Variants in SNX9 observed in about 807,000 individuals in gnomAD.
SNX9 encodes sorting nexin 9.
In SNX9, 44 loss-of-function variants were observed where a neutral mutation model predicts 89.4. That is an observed-to-expected ratio of 0.49 (90% CI 0.39 to 0.63). The LOEUF (loss-of-function observed/expected upper bound fraction) is 0.63. Ranked by LOEUF, SNX9 falls within the 30% of genes least tolerant of loss-of-function variation. The probability of loss-of-function intolerance (pLI) is 0.00; values close to 1 mark genes in which losing one functional copy is unlikely to be tolerated. For synonymous variants in SNX9, 236 were observed against 247.8 expected (o/e 0.95, Z 0.45); for missense variants, 578 against 736.1 (o/e 0.79, Z 2.49).
chr6:157,826,646 C>A (rs994494336), intron 1 of SNX9, among the ~76,000 whole-genome samples: 3 of 131,886 alleles, frequency 2.3e-5, no homozygotes, highest in African/African-American at 8.3e-5. Flanking sequence ...TCTTGTTTTA[C>A]AAATATTAAT....
At chr6:157,923,306 A>G (rs1206613417) in intron 10 of SNX9, among the ~76,000 whole-genome samples, 2 of 152,194 alleles carry the variant, frequency 1.3e-5, no homozygotes, top group African/African-American at 4.8e-5. Context: ...GCTCGTGTAA[A>G]TAAATGGTAG....
intron 9 of SNX9, among the ~76,000 whole-genome samples, chr6:157,920,923 A>C (rs1583238213): frequency 6.6e-6 from 1 of 152,342 alleles, no homozygotes; most frequent in Non-Finnish European, 1.5e-5. Context: ...TTATTGCATT[A>C]GTGGAAAAAT....
At position 157,843,872 on chromosome 6, in the gene SNX9, C is replaced by CTTT. The variant is rs1006138414; in HGVS notation, c.12+20444_12+20446dup. ...TTTTAAAAAATTATTTCCCATTTGTCTTTTTTTTTTTTTTTTTTTTGAGAT... is the reference window on the plus strand; with the variant it reads ...TTTTAAAAAATTATTTCCCATTTGTCTTTTTTTTTTTTTTTTTTTTTTTGAGAT... On this transcript the variant is annotated intron_variant, in intron 1 of 17. Coordinates refer to ENST00000392185, the MANE Select transcript of SNX9 (RefSeq NM_016224.5). Among the ~76,000 whole-genome samples, 1,070 of 120,654 alleles carry CTTT rather than the reference C, an allele frequency of 8.9e-3. 55 individuals are homozygous for CTTT. The highest frequency in any genetic ancestry group is 0.031 in the African/African-American group (952 of 30,538). 79.2% of individuals were successfully genotyped at this position (120,654 alleles called of 152,430 possible). A position where few individuals can be genotyped will look rare whatever the true frequency, so the allele number is the denominator to read the frequency against.
chr6:157,939,968 CA>C lies in SNX9; in HGVS notation c.1649-914del, dbSNP rs551470645. On this transcript the variant is annotated intron_variant, in intron 16 of 17. Transcript: ENST00000392185. Reference sequence around the variant, plus strand: ...ACTCCTCTAGAGTTGGGGGCAGGGGCAGGGGGGACAGAGAAAGAAGGAATCC... The same window carrying C: ...ACTCCTCTAGAGTTGGGGGCAGGGGCGGGGGGACAGAGAAAGAAGGAATCC... 1.7e-3 allele frequency among the ~76,000 whole-genome samples: 257 copies of C among 151,352 alleles called. 1 individual carries two copies. Among genetic ancestry groups the C allele is most frequent in the African/African-American group, 6.0e-3 (249 of 41,168 alleles).
chr6:157,832,274 A>G (rs1408025246), intron 1 of SNX9, among the ~76,000 whole-genome samples: 1 of 152,212 alleles, frequency 6.6e-6, no homozygotes, highest in Non-Finnish European at 1.5e-5. Context: ...AAGAGGGGGA[A>G]ATGCAGCTTC....
chr6:157,889,361 G>C (rs1347090637), intron 4 of SNX9, among the ~76,000 whole-genome samples: 1 of 147,502 alleles, frequency 6.8e-6, no homozygotes, highest in Non-Finnish European at 1.5e-5. Flanking sequence ...AACCTGGGAG[G>C]CAGAGGTTGC....
Position 157,840,406 on chromosome 6 carries a change from A to ACTTTCTTT in SNX9, c.12+16969_12+16976dup, listed in dbSNP as rs369386039. On this transcript the variant is annotated intron_variant, in intron 1 of 17. Transcript: ENST00000392185. ...AAAATGACTGACTTTTACAAAAAAT[A>ACTTTCTTT]CTTTCTTTCTTTCTTTTCTTTCTTT... 1.7e-4 allele frequency among the ~76,000 whole-genome samples: 22 copies of ACTTTCTTT among 128,924 alleles called. 1 individual carries two copies. Among genetic ancestry groups the ACTTTCTTT allele is most frequent in the Non-Finnish European group, 3.2e-4 (18 of 56,986 alleles). 84.6% of individuals were successfully genotyped at this position (128,924 alleles called of 152,430 possible).
intron 14 of SNX9, among the ~76,000 whole-genome samples, chr6:157,936,252 C>G (rs1478462856): frequency 6.6e-6 from 1 of 152,206 alleles, no homozygotes; most frequent in East Asian, 1.9e-4. Context: ...ATAGGCCAGG[C>G]ACAGTGGCTC....
At chr6:157,848,603 T>G (rs751270991) in intron 1 of SNX9, among the ~76,000 whole-genome samples, 3 of 152,168 alleles carry the variant, frequency 2.0e-5, no homozygotes, top group Non-Finnish European at 4.4e-5. Context: ...CTAGTAAGAT[T>G]GAATTTATTT....
chr6:157,931,210 A>G (rs1783804848), intron 12 of SNX9, among the ~76,000 whole-genome samples: 2 of 152,248 alleles, frequency 1.3e-5, no homozygotes, highest in African/African-American at 2.4e-5. Context: ...ACCACATGCC[A>G]GGTGCCTTTA....
intron 1 of SNX9, among the ~76,000 whole-genome samples, chr6:157,851,590 C>T (rs997402863): frequency 1.3e-5 from 2 of 151,980 alleles, no homozygotes; most frequent in Admixed American, 6.6e-5. Context: ...ATCATATATT[C>T]GTTGTTTTTT....
At chr6:157,876,146 C>T (rs1174774134) in intron 4 of SNX9, among the ~76,000 whole-genome samples, 1 of 151,722 alleles carries the variant, frequency 6.6e-6, no homozygotes, top group Non-Finnish European at 1.5e-5. Flanking sequence ...CAAGTATTTG[C>T]TTATAAAATA....
chr6:157,915,868 G>T (rs1783458194), intron 9 of SNX9, among the ~76,000 whole-genome samples: 1 of 145,864 alleles, frequency 6.9e-6, no homozygotes, highest in African/African-American at 2.5e-5. Context: ...TTGGAGAGTT[G>T]TATTGTAAAT....
intron 4 of SNX9, among the ~76,000 whole-genome samples, chr6:157,877,126 GT>G (rs1482185761): frequency 6.6e-6 from 1 of 152,222 alleles, no homozygotes; most frequent in African/African-American, 2.4e-5. Flanking sequence ...GGTGGAGGCA[GT>G]TTAGCTAATG....
chr6:157,892,209 G>A (rs1047854275), intron 4 of SNX9, among the ~76,000 whole-genome samples: 3 of 152,308 alleles, frequency 2.0e-5, no homozygotes, highest in East Asian at 3.9e-4. Context: ...GGTGTCTGTA[G>A]TTAGGGAACT....
intron 6 of SNX9, among the ~76,000 whole-genome samples, chr6:157,902,362 GAAT>G (rs1238059113): frequency 6.6e-6 from 1 of 152,150 alleles, no homozygotes; most frequent in African/African-American, 2.4e-5. Context: ...AAGCTAAAAA[GAAT>G]AATAATAACA....
At chr6:157,927,718 C>CTTTTTTTTT (rs761592456) in intron 11 of SNX9, among the ~76,000 whole-genome samples, 1 of 98,764 alleles carries the variant, frequency 1.0e-5, no homozygotes, top group Non-Finnish European at 2.0e-5. Flanking sequence ...TAATTTTAAG[C>CTTTTTTTTT]TTTTTTTTTT....
chr6:157,882,749 C>T (rs1369087956), intron 4 of SNX9, among the ~76,000 whole-genome samples: 5 of 152,128 alleles, frequency 3.3e-5, no homozygotes, highest in African/African-American at 4.8e-5. Context: ...ATTTCTTCAA[C>T]CTCATGATAA....
chr6:157,832,303 C>T (rs931397342), intron 1 of SNX9, among the ~76,000 whole-genome samples: 19 of 152,188 alleles, frequency 1.2e-4, no homozygotes, highest in African/African-American at 3.6e-4. Flanking sequence ...GCCTATCACC[C>T]GTTGTCATCC....
Sources: allele counts gnomAD v4.1 joint callset (sites outside exome capture counted in the v4.1 genomes callset), GRCh38; gene constraint gnomAD v4.1.1; transcripts MANE v1.5; gene names NCBI Gene and HGNC (gene_info 2026-07-23, HGNC 2026-07-21).